COQ9: variants seen among roughly 807,000 people sequenced by gnomAD.
COQ9 encodes ubiquinone biosynthesis protein COQ9, mitochondrial.
A neutral mutation model predicts 42.4 loss-of-function variants in COQ9; 35 were observed. The ratio of observed to expected loss-of-function variants is 0.83; its 90% confidence interval spans 0.63 to 1.10. The LOEUF is 1.10. COQ9 is among the 50% of genes least tolerant of loss of function. The pLI, the probability that COQ9 is intolerant of heterozygous loss-of-function variation, is 0.00. For synonymous variants in COQ9, 155 were observed against 155.1 expected, an observed-to-expected ratio of 1.00 and a Z score of 0.00; for missense variants, 406 against 414.6, an observed-to-expected ratio of 0.98 and a Z score of 0.18.
At chr16:57,460,160 T>C in intron 8 of COQ9, 56 bp downstream of exon 8, 1 of 1,525,660 alleles carries the variant, frequency 6.6e-7, no homozygotes, top group Middle Eastern at 1.7e-4. Flanking sequence ...GGCTCTGTGA[T>C]ACATGTGTTA....
At chr16:57,450,658 C>A (rs530081955) in intron 1 of COQ9, 62 of 322,570 alleles carry the variant, frequency 1.9e-4, no homozygotes, top group South Asian at 1.7e-3. Context: ...ATATATAAAT[C>A]TGTAACATTT....
At chr16:57,457,654 A>G (rs1198342258) in intron 5 of COQ9, among the ~76,000 whole-genome samples, 1 of 152,174 alleles carries the variant, frequency 6.6e-6, no homozygotes, top group Non-Finnish European at 1.5e-5. Context: ...ACATTTGAAC[A>G]CTTATGGTGG....
chr16:57,453,109 A>G, intron 3 of COQ9, 173 bp downstream of exon 3: 2 of 770,020 alleles, frequency 2.6e-6, no homozygotes, highest in South Asian at 3.1e-5. Context: ...TTTTGTAGTT[A>G]TAAAGAACAT....
intron 1 of COQ9, among the ~76,000 whole-genome samples, chr16:57,448,780 A>G (rs1251574984): frequency 6.6e-6 from 1 of 152,154 alleles, no homozygotes. Context: ...ATGACCCCGC[A>G]AATCCACCAA....
intron 6 of COQ9, 97 bp downstream of exon 6, chr16:57,458,447 C>A: frequency 2.2e-6 from 2 of 906,330 alleles, no homozygotes; most frequent in Non-Finnish European, 3.5e-6. Flanking sequence ...TAAGCCCCTG[C>A]AGGGGGGCTG....
At chr16:57,457,560 G>T in intron 5 of COQ9, 1 of 240,062 alleles carries the variant, frequency 4.2e-6, no homozygotes, top group Non-Finnish European at 8.3e-6. Flanking sequence ...AAGTACACCC[G>T]AAGTGAGAGG....
Position 57,460,858 on chromosome 16 carries a change from T to TGG in COQ9, c.*234_*235insGG. ...TACCAGACCAAGCCTCCTGATGCCT[T>TGG]TCTGCACTGCAACTGTGTGATTGAA... On this transcript the variant is annotated 3_prime_UTR_variant, in exon 9 of 9. Transcript: ENST00000262507. 1 of 543,880 alleles carries TGG rather than the reference T, an allele frequency of 1.8e-6. No homozygotes were observed. Among genetic ancestry groups the TGG allele is most frequent in the Non-Finnish European group, 3.3e-6 (1 of 299,116 alleles). The allele number at this position is 543,880 out of a possible 1,614,324, so 33.7% of individuals were successfully genotyped here.
chr16:57,447,544 G>A lies in COQ9; in HGVS notation c.39G>A (p.Ala13=). 7.6e-7 allele frequency: 1 copy of A among 1,307,512 alleles called. No individual in the cohort carries two copies. Among genetic ancestry groups the A allele is most frequent in the African/African-American group, 1.5e-5 (1 of 65,542 alleles). 81.0% of individuals were successfully genotyped at this position (1,307,512 alleles called of 1,614,324 possible). A position where few individuals can be genotyped will look rare whatever the true frequency, so the allele number is the denominator to read the frequency against. Residue 13 remains alanine (A), a synonymous_variant, in exon 1 of 9, where the codon GCG becomes GCA. Coordinates refer to ENST00000262507, the MANE Select transcript of COQ9 (RefSeq NM_020312.4). ...AAAVSGALGR[A]GWRLLQLRCL... ...CGGTATCTGGTGCGCTTGGCCGGGCGGGCTGGAGGCTCCTGCAGCTGCGAT... is the reference window on the plus strand; with the variant it reads ...CGGTATCTGGTGCGCTTGGCCGGGCAGGCTGGAGGCTCCTGCAGCTGCGAT...
intron 1 of COQ9, among the ~76,000 whole-genome samples, chr16:57,450,238 A>T (rs141202293): frequency 4.4e-4 from 67 of 152,152 alleles, no homozygotes; most frequent in Middle Eastern, 3.4e-3. Context: ...ACATGGCGAA[A>T]CTCCGTCTCT....
At chr16:57,450,643 A>G in intron 1 of COQ9, 1 of 292,672 alleles carries the variant, frequency 3.4e-6, no homozygotes, top group East Asian at 8.7e-5. Flanking sequence ...AGCTCTTGCC[A>G]TAATATATAT....
intron 6 of COQ9, 63 bp from the exon 7 acceptor site, chr16:57,459,502 C>T: frequency 6.3e-7 from 1 of 1,576,014 alleles, no homozygotes; most frequent in Non-Finnish European, 8.7e-7. Flanking sequence ...GTTCCCATGG[C>T]CTTGGGTAGG....
chr16:57,454,968 T>C (rs1348624083), intron 3 of COQ9, among the ~76,000 whole-genome samples: 5 of 152,102 alleles, frequency 3.3e-5, no homozygotes, highest in East Asian at 1.9e-4. Context: ...ATTGAAGATA[T>C]TGGATTAAAT....
intron 8 of COQ9, among the ~76,000 whole-genome samples, 195 bp from the exon 9 acceptor site, chr16:57,460,394 A>C (rs1468345047): frequency 6.6e-6 from 1 of 152,012 alleles, no homozygotes; most frequent in Non-Finnish European, 1.5e-5. Flanking sequence ...GCAGTGGCTC[A>C]TGCATATCAT....
At position 57,460,039 on chromosome 16, in the gene COQ9, G is replaced by GGT; in HGVS notation, c.868-12_868-11insGT. On this transcript the variant is annotated splice_polypyrimidine_tract_variant and intron_variant, in intron 7 of 8. Coordinates refer to ENST00000262507, the MANE Select transcript of COQ9 (RefSeq NM_020312.4). The stretch of plus-strand genomic sequence containing the variant: ...TGGTGGCCTAAGGGAACCTGACACT[G>GGT]ACTCCTTCTAGGTAAAGTCCACAGG... 6.2e-7 allele frequency: 1 copy of GGT among 1,613,904 alleles called. No homozygotes were observed. Among genetic ancestry groups the GGT allele is most frequent in the Non-Finnish European group, 8.5e-7 (1 of 1,179,896 alleles).
intron 1 of COQ9, among the ~76,000 whole-genome samples, chr16:57,448,007 G>T: frequency 6.6e-6 from 1 of 152,206 alleles, no homozygotes; most frequent in East Asian, 1.9e-4. Flanking sequence ...CGAATTCTGT[G>T]ATACTCTCTT....
rs776287087 is a variant in COQ9 at position 57,456,999 on chromosome 16, T to C, written c.590T>C (p.Ile197Thr). The change falls in exon 5 of 9, where the codon ATT (isoleucine) becomes ACT (threonine). Residue 197 changes from isoleucine to threonine, a missense_variant. By Grantham distance (89) the Ile-to-Thr change is moderately conservative (BLOSUM62 -1). Coordinates refer to ENST00000262507, the MANE Select transcript of COQ9 (RefSeq NM_020312.4). ...AGACTGAGAATGCTGATCCCATACA[T>C]TGAGCACTGGCCCCGGGTACCAAGT... ...ETRLRMLIPY[I>T]EHWPRALSIL... 184 of 1,613,720 alleles carry C rather than the reference T, an allele frequency of 1.1e-4. 1 individual carries two copies. Among genetic ancestry groups the C allele is most frequent in the South Asian group, 4.5e-4 (41 of 91,066 alleles).
chr16:57,460,955 T>G lies in COQ9; in HGVS notation c.*331T>G. 1 of 382,732 alleles carries G rather than the reference T, an allele frequency of 2.6e-6. No homozygotes were observed. Among genetic ancestry groups the G allele is most frequent in the Non-Finnish European group, 5.0e-6 (1 of 198,414 alleles). 23.7% of individuals were successfully genotyped at this position (382,732 alleles called of 1,614,324 possible). A position where few individuals can be genotyped will look rare whatever the true frequency, so the allele number is the denominator to read the frequency against. On this transcript the variant is annotated 3_prime_UTR_variant, in exon 9 of 9. Transcript: ENST00000262507. The stretch of plus-strand genomic sequence containing the variant: ...TCCCTGTCACAATCTCATGGGCACC[T>G]TGATCATGTCTTAACCTTCCCTTAA...
At chr16:57,460,564 CTCTT>C in intron 8 of COQ9, 21 bp from the exon 9 acceptor site, 2 of 1,612,800 alleles carry the variant, frequency 1.2e-6, no homozygotes, top group South Asian at 1.1e-5. Context: ...CCTCACTATT[CTCTT>C]TATTTCCATT....
intron 1 of COQ9, among the ~76,000 whole-genome samples, chr16:57,448,638 C>A (rs1211208097): frequency 6.6e-6 from 1 of 151,934 alleles, no homozygotes; most frequent in African/African-American, 2.4e-5. Context: ...GTCCAAAACT[C>A]CTGACCTCAA....
Sources: gnomAD v4.1 joint callset for allele counts (sites outside exome capture counted in the v4.1 genomes callset) on GRCh38, gnomAD v4.1.1 for gene constraint, MANE v1.5 for transcripts, NCBI Gene and HGNC (gene_info 2026-07-23, HGNC 2026-07-21) for gene names.